Variants in NTN1 observed in about 807,000 individuals in gnomAD.
NTN1 encodes netrin 1.
Under a neutral mutation model 54.2 loss-of-function variants are expected in NTN1, and 11 were observed. The observed-to-expected ratio is 0.20, with a 90% CI of 0.13 to 0.34. The LOEUF (loss-of-function observed/expected upper bound fraction) is 0.34, where lower values mean the gene tolerates loss of function less well. Ranked by LOEUF, NTN1 falls within the 10% of genes least tolerant of loss-of-function variation. NTN1 has a pLI of 1.00. For missense variants in NTN1, 740 were observed against 893.1 expected (o/e 0.83, Z 2.18); for synonymous variants, 371 against 382.0 (o/e 0.97, Z 0.33).
intron 2 of NTN1, among the ~76,000 whole-genome samples, chr17:9,111,931 A>C (rs982806641): frequency 2.6e-5 from 4 of 152,230 alleles, no homozygotes; most frequent in African/African-American, 9.6e-5. Context: ...CACACAATTC[A>C]AACCCATGTT....
Position 9,221,147 on chromosome 17 carries a change from T to TGGCG in NTN1, c.1412-21_1412-20insGGCG. 3.1e-6 allele frequency: 4 copies of TGGCG among 1,303,806 alleles called. No homozygotes were observed. The highest frequency in any genetic ancestry group is 4.2e-6 in the Non-Finnish European group (4 of 952,876). 80.8% of individuals were successfully genotyped at this position (1,303,806 alleles called of 1,614,324 possible). ...CAGCCTAATTAGTTTTTGTCTGTGCTCCCCCCCCACCCCCCTGCAGACTGC... is the reference window on the plus strand; with the variant it reads ...CAGCCTAATTAGTTTTTGTCTGTGCTGGCGCCCCCCCCACCCCCCTGCAGACTGC... On this transcript the variant is annotated intron_variant, in intron 5 of 6. Coordinates refer to ENST00000173229, the MANE Select transcript of NTN1 (RefSeq NM_004822.3). This position sits in a 1 kb window ranked among gnomAD's most constrained non-coding sequence, Gnocchi z 4.5.
At chr17:9,144,078 T>C (rs938896645) in intron 2 of NTN1, among the ~76,000 whole-genome samples, 12 of 152,046 alleles carry the variant, frequency 7.9e-5, no homozygotes, top group African/African-American at 2.7e-4. Flanking sequence ...GTATTTTTAG[T>C]AGAGACAGGG....
intron 5 of NTN1, among the ~76,000 whole-genome samples, chr17:9,198,901 G>A (rs966476733): frequency 6.6e-6 from 1 of 152,194 alleles, no homozygotes; most frequent in African/African-American, 2.4e-5. Flanking sequence ...GAGGCCATAT[G>A]TGTGGGAGGC....
At chr17:9,222,680 G>A (rs941789626) in intron 6 of NTN1, among the ~76,000 whole-genome samples, 3 of 152,128 alleles carry the variant, frequency 2.0e-5, no homozygotes, top group Non-Finnish European at 2.9e-5. Context: ...TCTGAGCTCC[G>A]TCCCTTCCCT....
chr17:9,023,485 G>C, intron 2 of NTN1, 94 bp downstream of exon 2: 1 of 1,292,550 alleles, frequency 7.7e-7, no homozygotes, highest in Non-Finnish European at 9.8e-7. Flanking sequence ...AGCGCGGGTC[G>C]AGGGAACGGC....
In NTN1 at chr17:9,219,949, T is replaced by C. The variant is rs1312261405; in HGVS notation, c.1412-1219T>C. Among the ~76,000 whole-genome samples, 3 of 152,206 alleles carry C rather than the reference T, an allele frequency of 2.0e-5. No homozygotes were observed. The highest frequency in any genetic ancestry group is 4.4e-5 in the Non-Finnish European group (3 of 68,030). On this transcript the variant is annotated intron_variant, in intron 5 of 6. Coordinates refer to ENST00000173229, the MANE Select transcript of NTN1 (RefSeq NM_004822.3). The surrounding 1 kb of genome is among the most constrained non-coding windows in gnomAD (Gnocchi z 4.5). ...CATCAACCCATGCCACCACTGCTTC[T>C]AGAACAGGCTGGGCCCCCTGCAGCT... is the stretch of plus-strand genomic sequence containing the variant.
chr17:9,170,847 C>T (rs1773573469), intron 3 of NTN1, among the ~76,000 whole-genome samples: 1 of 142,910 alleles, frequency 7.0e-6, no homozygotes. Flanking sequence ...CCTATTCCTG[C>T]CCCAAGCTCT....
Position 9,156,316 on chromosome 17 carries a change from G to A in NTN1, c.1019-6497G>A, listed in dbSNP as rs558779106. Among the ~76,000 whole-genome samples the A allele has an allele frequency of 3.3e-5, 5 of 152,048 alleles. No homozygotes were observed. In the South Asian group the frequency reaches 1.0e-3, roughly 32 times the overall value. ...CAGTCTTCTCAAAAGAACTGCTCTG[G>A]AAGGAGAAGACATGGTGATCCTGTG... On this transcript the variant is annotated intron_variant, in intron 2 of 6. Coordinates refer to ENST00000173229, the MANE Select transcript of NTN1 (RefSeq NM_004822.3).
chr17:9,104,295 G>A lies in NTN1; in HGVS notation c.1019-58518G>A, dbSNP rs150860784. On this transcript the variant is annotated intron_variant, in intron 2 of 6. Transcript: ENST00000173229. ...TGGAGATGGAGGTGGTGATGATTGT[G>A]CAACAATGTGAATGTACTTAATGCC... Among the ~76,000 whole-genome samples, 373 of 152,148 alleles carry A rather than the reference G, an allele frequency of 2.5e-3. 1 individual carries two copies. Among genetic ancestry groups the A allele is most frequent in the Admixed American group, 3.9e-3 (60 of 15,284 alleles).
intron 2 of NTN1, among the ~76,000 whole-genome samples, chr17:9,098,016 A>G (rs896713298): frequency 6.6e-6 from 1 of 152,146 alleles, no homozygotes; most frequent in Admixed American, 6.5e-5. Flanking sequence ...CTAAGAATAA[A>G]TAGGTTCTGA....
chr17:9,107,480 G>T (rs2092171519), intron 2 of NTN1, among the ~76,000 whole-genome samples: 1 of 152,176 alleles, frequency 6.6e-6, no homozygotes, highest in African/African-American at 2.4e-5. Context: ...AAAAAGTTTG[G>T]GGGTGCGGGA....
chr17:9,069,247 A>C (rs1184708570), intron 2 of NTN1, among the ~76,000 whole-genome samples: 1 of 151,942 alleles, frequency 6.6e-6, no homozygotes, highest in East Asian at 1.9e-4. Context: ...CCCTCCTAGG[A>C]ATTTTCCTAT....
At chr17:9,046,216 T>A (rs2091940973) in intron 2 of NTN1, among the ~76,000 whole-genome samples, 1 of 152,158 alleles carries the variant, frequency 6.6e-6, no homozygotes, top group African/African-American at 2.4e-5. Context: ...ACAACCCAGT[T>A]TAGAAACGGG....
intron 2 of NTN1, among the ~76,000 whole-genome samples, chr17:9,070,999 C>A (rs901042057): frequency 2.6e-5 from 4 of 152,124 alleles, no homozygotes; most frequent in Non-Finnish European, 5.9e-5. Flanking sequence ...CTGTTTCAGA[C>A]CATTCCCATG....
chr17:9,122,392 GT>G (rs2092234285), intron 2 of NTN1, among the ~76,000 whole-genome samples: 2 of 152,190 alleles, frequency 1.3e-5, no homozygotes, highest in Admixed American at 6.5e-5. Flanking sequence ...ATCCTCTACA[GT>G]TTGGTTCATA....
At chr17:9,127,611 C>T (rs900787632) in intron 2 of NTN1, among the ~76,000 whole-genome samples, 2 of 152,088 alleles carry the variant, frequency 1.3e-5, no homozygotes, top group African/African-American at 4.8e-5. Context: ...CTACTGGGCA[C>T]ACTTGGTGTT....
intron 6 of NTN1, among the ~76,000 whole-genome samples, chr17:9,223,774 GTCC>G (rs1307141819): frequency 6.6e-6 from 1 of 152,182 alleles, no homozygotes; most frequent in Non-Finnish European, 1.5e-5. Flanking sequence ...CCGCAGCACT[GTCC>G]TCCTAGCAAA....
intron 2 of NTN1, among the ~76,000 whole-genome samples, chr17:9,105,190 C>T (rs941743804): frequency 6.6e-6 from 1 of 152,188 alleles, no homozygotes; most frequent in Non-Finnish European, 1.5e-5. Context: ...AGGAAGAGCC[C>T]CCAGGAAGAC....
At chr17:9,194,016 A>T (rs1406295182) in intron 5 of NTN1, among the ~76,000 whole-genome samples, 1 of 149,930 alleles carries the variant, frequency 6.7e-6, no homozygotes, top group Non-Finnish European at 1.5e-5. Context: ...TGGGCAGATC[A>T]CTGGAGGTCA....
Sources: allele counts gnomAD v4.1 joint callset (sites outside exome capture counted in the v4.1 genomes callset), GRCh38; gene constraint gnomAD v4.1.1; non-coding constraint Gnocchi (gnomAD v3.1); transcripts MANE v1.5; gene names NCBI Gene and HGNC (gene_info 2026-07-23, HGNC 2026-07-21).